Variants in PLPP4 observed in about 807,000 individuals in gnomAD.
The protein encoded by PLPP4 is diacylglycerol pyrophosphate like 2.
Under a neutral mutation model 32.2 loss-of-function variants are expected in PLPP4, and 20 were observed. That is an observed-to-expected ratio of 0.62 (90% CI 0.44 to 0.90). PLPP4 has a LOEUF of 0.90. Ranked by LOEUF, PLPP4 falls within the 40% of genes least tolerant of loss-of-function variation. The pLI, the probability that PLPP4 is intolerant of heterozygous loss-of-function variation, is 0.00. For synonymous variants in PLPP4, 127 were observed against 133.0 expected (o/e 0.95, Z 0.31); for missense variants, 257 against 353.1 (o/e 0.73, Z 2.18).
At chr10:120,465,409 A>G (rs1484407829) in intron 1 of PLPP4, among the ~76,000 whole-genome samples, 1 of 152,194 alleles carries the variant, frequency 6.6e-6, no homozygotes, top group African/African-American at 2.4e-5. Context: ...CAGTCTCTCA[A>G]TATGTGAATG....
At chr10:120,532,499 T>C (rs1367449774) in intron 5 of PLPP4, among the ~76,000 whole-genome samples, 1 of 152,182 alleles carries the variant, frequency 6.6e-6, no homozygotes, top group Admixed American at 6.5e-5. Flanking sequence ...TAAAATGGTT[T>C]ATGGTATATG....
In PLPP4 at chr10:120,533,848, G is replaced by C. The variant is rs1047794307; in HGVS notation, c.445+12753G>C. ...TCCTGTGGATTCGAGTTACCATCTG[G>C]TTTCATTTCCTTAGTCCAATCCGAC... On this transcript the variant is annotated intron_variant, in intron 5 of 6. Transcript: ENST00000398250. Among the ~76,000 whole-genome samples the C allele has an allele frequency of 2.0e-5, 3 of 151,976 alleles. No individual in the cohort carries two copies. The East Asian group carries it at 5.8e-4, about 29-fold the overall frequency.
chr10:120,522,917 T>C (rs1262796993), intron 5 of PLPP4, among the ~76,000 whole-genome samples: 1 of 152,244 alleles, frequency 6.6e-6, no homozygotes, highest in East Asian at 1.9e-4. Flanking sequence ...TAAAAGGATC[T>C]TGGCAGATGC....
At chr10:120,469,470 G>T (rs187316228) in intron 1 of PLPP4, among the ~76,000 whole-genome samples, 2 of 152,056 alleles carry the variant, frequency 1.3e-5, no homozygotes, top group African/African-American at 4.8e-5. Context: ...CTCGTGATCC[G>T]CCCACCTGGG....
chr10:120,520,910 G>A, intron 4 of PLPP4, 61 bp from the exon 5 acceptor site: 1 of 1,602,074 alleles, frequency 6.2e-7, no homozygotes, highest in East Asian at 2.2e-5. Flanking sequence ...GGGGGGGTCA[G>A]CTTGGGGTCA....
chr10:120,480,244 AC>A (rs752854418), intron 1 of PLPP4, among the ~76,000 whole-genome samples: 5 of 152,138 alleles, frequency 3.3e-5, no homozygotes, highest in Non-Finnish European at 7.4e-5. Context: ...CCCCTTGAGT[AC>A]AATAGCAGAA....
At chr10:120,541,597 A>G (rs967532863) in intron 5 of PLPP4, among the ~76,000 whole-genome samples, 4 of 152,124 alleles carry the variant, frequency 2.6e-5, no homozygotes, top group Non-Finnish European at 5.9e-5. Context: ...TTTACTCAAC[A>G]CGTTCCTTTT....
At position 120,561,329 on chromosome 10, in the gene PLPP4, T is replaced by C. The variant is rs554514221; in HGVS notation, c.446-13802T>C. On this transcript the variant is annotated intron_variant, in intron 5 of 6. Coordinates refer to ENST00000398250, the MANE Select transcript of PLPP4 (RefSeq NM_001030059.3). ...ATAATCCAGAATTGATTTCTGGGTA[T>C]AGTAGCAGTCCAATTTTTTTTCCAT... is the stretch of plus-strand genomic sequence containing the variant. Among the ~76,000 whole-genome samples, 420 of 152,356 alleles carry C rather than the reference T, an allele frequency of 2.8e-3. 1 individual carries two copies. Among genetic ancestry groups the C allele is most frequent in the Non-Finnish European group, 4.7e-3 (320 of 68,040 alleles).
At chr10:120,564,521 T>G (rs1848597453) in intron 5 of PLPP4, among the ~76,000 whole-genome samples, 2 of 151,890 alleles carry the variant, frequency 1.3e-5, no homozygotes, top group African/African-American at 4.8e-5. Context: ...TATCTAATAT[T>G]TCTGTTTTCT....
At position 120,518,760 on chromosome 10, in the gene PLPP4, A is replaced by G. The variant is rs1846033450; in HGVS notation, c.257-73A>G. On this transcript the variant is annotated intron_variant, in intron 3 of 6. Transcript: ENST00000398250. ...GTATTATAATGTAACAGTGATGATG[A>G]TGATAATGATGATGATGATTTTGAT... is the stretch of plus-strand genomic sequence containing the variant. 3.5e-6 allele frequency: 4 copies of G among 1,134,256 alleles called. No individual in the cohort carries two copies. In the East Asian group the frequency reaches 9.4e-5, roughly 27 times the overall value. 70.3% of individuals were successfully genotyped at this position (1,134,256 alleles called of 1,614,324 possible).
intron 5 of PLPP4, among the ~76,000 whole-genome samples, chr10:120,558,520 A>C (rs1375983229): frequency 6.7e-6 from 1 of 150,344 alleles, no homozygotes; most frequent in Non-Finnish European, 1.5e-5. Context: ...GGTTCAAGCT[A>C]TTCTCCTGCC....
chr10:120,463,228 A>G (rs7917900), intron 1 of PLPP4, among the ~76,000 whole-genome samples: 5,919 of 152,020 alleles, frequency 0.039, 131 homozygotes, highest in Non-Finnish European at 0.049. Context: ...TAGTTTCACC[A>G]TGTTAGCCAG....
chr10:120,565,317 T>G (rs11199410), intron 5 of PLPP4, among the ~76,000 whole-genome samples: 1 of 6,660 alleles, frequency 1.5e-4, no homozygotes, highest in Non-Finnish European at 2.4e-4. Context: ...GTTTGTGTGG[T>G]GTGTGTGTGT....
intron 6 of PLPP4, among the ~76,000 whole-genome samples, chr10:120,578,700 C>T (rs563605052): frequency 3.3e-5 from 5 of 152,236 alleles, no homozygotes; most frequent in South Asian, 2.1e-4. Flanking sequence ...TATTAAGTGA[C>T]GAAAATACAG....
At chr10:120,583,807 A>G (rs948681460) in intron 6 of PLPP4, among the ~76,000 whole-genome samples, 1 of 152,188 alleles carries the variant, frequency 6.6e-6, no homozygotes, top group African/African-American at 2.4e-5. Context: ...TCTGGGAAAT[A>G]AATAGGAATG....
At chr10:120,471,532 TTATC>T (rs1284289210) in intron 1 of PLPP4, among the ~76,000 whole-genome samples, 1 of 152,050 alleles carries the variant, frequency 6.6e-6, no homozygotes, top group East Asian at 1.9e-4. Flanking sequence ...AAGGTCTACT[TTATC>T]TAACATTAAT....
chr10:120,583,199 C>A (rs1421515653), intron 6 of PLPP4, among the ~76,000 whole-genome samples: 1 of 151,724 alleles, frequency 6.6e-6, no homozygotes, highest in Admixed American at 6.6e-5. Context: ...GAGGACCTGA[C>A]AGCACATCTT....
Position 120,575,193 on chromosome 10 carries a change from G to T in PLPP4, c.508G>T (p.Glu170Ter). Residue 170 changes from glutamate to a stop codon, truncating the protein, a stop_gained, in exon 6 of 7, where the codon GAG becomes TAG. Coordinates refer to ENST00000398250, the MANE Select transcript of PLPP4 (RefSeq NM_001030059.3). LOFTEE classifies it high-confidence loss of function. ...YLAGKLHCFT[E>*]SGRGKSWRLC... Reference sequence around the variant, plus strand: ...GGCGGGCAAGCTGCACTGCTTCACCGAGAGTGGGCGGGGAAAGAGCTGGCG... The same window carrying T: ...GGCGGGCAAGCTGCACTGCTTCACCTAGAGTGGGCGGGGAAAGAGCTGGCG... 6.2e-7 allele frequency: 1 copy of T among 1,613,954 alleles called. No individual in the cohort carries two copies.
At chr10:120,574,164 ACACACTCTCTCTCTCTCTCTCTCTCTCT>A (rs1849086838) in intron 5 of PLPP4, among the ~76,000 whole-genome samples, 2 of 67,708 alleles carry the variant, frequency 3.0e-5, no homozygotes, top group East Asian at 4.9e-4. Context: ...ACACACACAC[ACACACTCTCTCTCTCTCTCTCTCTCTCT>A]CTCTCTCTCT....
Sources: allele counts gnomAD v4.1 joint callset (sites outside exome capture counted in the v4.1 genomes callset), GRCh38; gene constraint gnomAD v4.1.1; transcripts MANE v1.5; gene names NCBI Gene and HGNC (gene_info 2026-07-23, HGNC 2026-07-21).